The following PLPPR1 variants were observed in gnomAD, a reference collection of about 807,000 sequenced individuals.
PLPPR1 encodes the protein phospholipid phosphatase related 1.
In PLPPR1, 10 loss-of-function variants were observed where a neutral mutation model predicts 33.1. The ratio of observed to expected loss-of-function variants is 0.30; its 90% CI spans 0.19 to 0.51. PLPPR1 has a LOEUF of 0.51. PLPPR1 is among the 20% of genes least tolerant of loss of function. The pLI is 0.97. For synonymous variants in PLPPR1, 151 were observed against 151.0 expected (o/e 1.00, Z 0.00); for missense variants, 304 against 408.1 (o/e 0.74, Z 2.20).
At chr9:101,168,096 C>T (rs559305193) in intron 1 of PLPPR1, among the ~76,000 whole-genome samples, 5 of 152,248 alleles carry the variant, frequency 3.3e-5, no homozygotes, top group African/African-American at 1.2e-4. Context: ...CAGATCCCTC[C>T]TACAACACAT....
intron 1 of PLPPR1, among the ~76,000 whole-genome samples, chr9:101,167,858 G>T (rs1825883269): frequency 6.6e-6 from 1 of 152,104 alleles, no homozygotes; most frequent in African/African-American, 2.4e-5. Flanking sequence ...ACATATCTGA[G>T]ACTGAGTAAT....
chr9:101,300,540 A>G (rs559597497), intron 4 of PLPPR1, among the ~76,000 whole-genome samples: 1 of 152,304 alleles, frequency 6.6e-6, no homozygotes, highest in South Asian at 2.1e-4. Context: ...GCCAGATCTC[A>G]GTATCTGTAA....
intron 1 of PLPPR1, among the ~76,000 whole-genome samples, chr9:101,081,938 T>C (rs1830624266): frequency 6.6e-6 from 1 of 152,242 alleles, no homozygotes; most frequent in Non-Finnish European, 1.5e-5. Flanking sequence ...AGAAGCACAC[T>C]CTTTTCTTTG....
intron 3 of PLPPR1, among the ~76,000 whole-genome samples, chr9:101,285,530 T>C (rs1215083258): frequency 6.6e-6 from 1 of 152,186 alleles, no homozygotes; most frequent in Non-Finnish European, 1.5e-5. Context: ...CTTAATGTTG[T>C]GGTGGATAGG....
intron 2 of PLPPR1, among the ~76,000 whole-genome samples, chr9:101,208,475 C>T (rs116724142): frequency 4.1e-4 from 62 of 152,326 alleles, no homozygotes; most frequent in African/African-American, 1.3e-3. Flanking sequence ...TGTAAACACT[C>T]TTACCTCTTT....
chr9:101,178,318 G>T (rs1327338069), intron 1 of PLPPR1, among the ~76,000 whole-genome samples: 2 of 152,200 alleles, frequency 1.3e-5, no homozygotes, highest in African/African-American at 4.8e-5. Context: ...TTTGCCAGCA[G>T]CAGAGACCAA....
intron 2 of PLPPR1, among the ~76,000 whole-genome samples, chr9:101,207,215 T>C (rs2118759721): frequency 6.6e-6 from 1 of 152,222 alleles, no homozygotes; most frequent in Middle Eastern, 3.4e-3. Context: ...AGATAAACCT[T>C]TAAAAAAAAT....
chr9:101,168,137 G>A (rs768732630), intron 1 of PLPPR1, among the ~76,000 whole-genome samples: 3 of 152,166 alleles, frequency 2.0e-5, no homozygotes, highest in African/African-American at 4.8e-5. Context: ...TTCAGGATGA[G>A]ATTTGGGTGG....
intron 2 of PLPPR1, among the ~76,000 whole-genome samples, chr9:101,263,548 A>C (rs2118884063): frequency 6.6e-6 from 1 of 152,332 alleles, no homozygotes; most frequent in South Asian, 2.1e-4. Context: ...ATTAACCTTC[A>C]TATAGATGAG....
At chr9:101,180,023 G>T (rs1360201744) in intron 1 of PLPPR1, among the ~76,000 whole-genome samples, 2 of 147,796 alleles carry the variant, frequency 1.4e-5, no homozygotes, top group Non-Finnish European at 3.0e-5. Flanking sequence ...GGCTCTCGTT[G>T]CTCCTCAGCC....
chr9:101,307,765 G>A (rs1828881296), intron 4 of PLPPR1, among the ~76,000 whole-genome samples: 1 of 152,200 alleles, frequency 6.6e-6, no homozygotes, highest in African/African-American at 2.4e-5. Context: ...CTGAATACGG[G>A]AGTCAAAATT....
chr9:101,231,738 G>A (rs1025108331), intron 2 of PLPPR1, among the ~76,000 whole-genome samples: 1 of 152,026 alleles, frequency 6.6e-6, no homozygotes, highest in African/African-American at 2.4e-5. Flanking sequence ...AAACATCAAA[G>A]TATACTTTAT....
At chr9:101,033,099 T>C (rs961596147) in intron 1 of PLPPR1, among the ~76,000 whole-genome samples, 3 of 152,208 alleles carry the variant, frequency 2.0e-5, no homozygotes, top group Non-Finnish European at 4.4e-5. Flanking sequence ...AGATCATCTG[T>C]GTTCCAGCCA....
chr9:101,280,939 A>G lies in PLPPR1; in HGVS notation c.253-5165A>G, dbSNP rs984742396. Among the ~76,000 whole-genome samples the G allele has an allele frequency of 9.9e-5, 15 of 152,116 alleles. 1 individual carries two copies. Among genetic ancestry groups the G allele is most frequent in the Admixed American group, 9.8e-4 (15 of 15,278 alleles). ...CTAGCTAGAGCAATCAGACAAAAGAAAGAAAGAAGGAACATCCAAATTGGA... is the reference window on the plus strand; with the variant it reads ...CTAGCTAGAGCAATCAGACAAAAGAGAGAAAGAAGGAACATCCAAATTGGA... On this transcript the variant is annotated intron_variant, in intron 3 of 7. Coordinates refer to ENST00000374874, the MANE Select transcript of PLPPR1 (RefSeq NM_207299.2).
intron 2 of PLPPR1, among the ~76,000 whole-genome samples, chr9:101,196,695 A>G (rs1039931681): frequency 1.3e-5 from 2 of 152,094 alleles, no homozygotes; most frequent in African/African-American, 2.4e-5. Context: ...CCACGTCTCT[A>G]CTAAAAATAT....
chr9:101,099,304 T>C (rs1413098420), intron 1 of PLPPR1, among the ~76,000 whole-genome samples: 1 of 152,186 alleles, frequency 6.6e-6, no homozygotes, highest in African/African-American at 2.4e-5. Flanking sequence ...CTGCGTCTGT[T>C]TCCCTTTTTG....
At chr9:101,191,413 C>T (rs1205871412) in intron 2 of PLPPR1, among the ~76,000 whole-genome samples, 1 of 151,942 alleles carries the variant, frequency 6.6e-6, no homozygotes, top group East Asian at 1.9e-4. Context: ...GTCCTTTTTC[C>T]CTTCCTTCTG....
At chr9:101,062,582 A>G (rs1013277142) in intron 1 of PLPPR1, among the ~76,000 whole-genome samples, 3 of 152,082 alleles carry the variant, frequency 2.0e-5, no homozygotes, top group Non-Finnish European at 2.9e-5. Flanking sequence ...TTAAACTGCT[A>G]CATTTAGGGA....
intron 2 of PLPPR1, among the ~76,000 whole-genome samples, chr9:101,235,752 C>T (rs1407268403): frequency 6.6e-6 from 1 of 151,788 alleles, no homozygotes; most frequent in East Asian, 1.9e-4. Flanking sequence ...AAACCTCTCA[C>T]TTACAGGCAC....
Sources: allele counts gnomAD v4.1 joint callset (sites outside exome capture counted in the v4.1 genomes callset), GRCh38; gene constraint gnomAD v4.1.1; transcripts MANE v1.5; gene names NCBI Gene and HGNC (gene_info 2026-07-23, HGNC 2026-07-21).